MBD2: variants seen among roughly 807,000 people sequenced by gnomAD.
MBD2 encodes methyl-CpG binding domain protein 2, also known as methyl-CpG-binding domain protein 2.
A neutral mutation model predicts 39.3 loss-of-function variants in MBD2; 9 were observed. The observed-to-expected ratio is 0.23, with a 90% CI of 0.14 to 0.40. The LOEUF (loss-of-function observed/expected upper bound fraction) is 0.40, where lower values mean the gene tolerates loss of function less well. MBD2 is among the 10% of genes least tolerant of loss of function. The pLI, the probability that MBD2 is intolerant of heterozygous loss-of-function variation, is 1.00. For synonymous variants in MBD2, 233 were observed against 211.1 expected (o/e 1.10, Z -0.90); for missense variants, 458 against 532.6 (o/e 0.86, Z 1.38).
intron 1 of MBD2, among the ~76,000 whole-genome samples, chr18:54,217,281 T>G (rs1349079315): frequency 6.6e-6 from 1 of 152,192 alleles, no homozygotes; most frequent in Non-Finnish European, 1.5e-5. Context: ...TGTATTATAC[T>G]GAGAACAAAG....
rs147119140 is a variant in MBD2 at position 54,194,557 on chromosome 18, GTATA to G, written c.703-5550_703-5547del. Among the ~76,000 whole-genome samples the G allele has an allele frequency of 4.7e-3, 698 of 148,774 alleles. 10 individuals are homozygous for G. The highest frequency in any genetic ancestry group is 0.016 in the African/African-American group (654 of 40,580). ...ACATATATAGAAGTTGTGTGTGTGT[GTATA>G]TATATATATATGTAGCTTAATGAAA... On this transcript the variant is annotated intron_variant, in intron 2 of 6. Coordinates refer to ENST00000256429, the MANE Select transcript of MBD2 (RefSeq NM_003927.5).
chr18:54,214,191 T>C (rs953065743), intron 1 of MBD2, among the ~76,000 whole-genome samples: 1 of 151,394 alleles, frequency 6.6e-6, no homozygotes, highest in Non-Finnish European at 1.5e-5. Context: ...TTTCTTTCTT[T>C]CTTTGTTTTG....
chr18:54,184,465 C>T (rs1233331302), intron 3 of MBD2, among the ~76,000 whole-genome samples: 1 of 152,174 alleles, frequency 6.6e-6, no homozygotes, highest in Non-Finnish European at 1.5e-5. Flanking sequence ...TGCCACCAAA[C>T]CAGTCCCTGA....
At chr18:54,223,754 G>C (rs2086634395) in intron 1 of MBD2, among the ~76,000 whole-genome samples, 1 of 152,058 alleles carries the variant, frequency 6.6e-6, no homozygotes. Flanking sequence ...AACCATCCCT[G>C]CCAGGCTAAC....
In MBD2 at chr18:54,204,997, C is replaced by A. The variant is rs1339955328; in HGVS notation, c.702+1G>T. The A allele has an allele frequency of 1.2e-6, 2 of 1,612,694 alleles. No individual in the cohort carries two copies. Among genetic ancestry groups the A allele is most frequent in the East Asian group, 2.2e-5 (1 of 44,848 alleles). ...TACATGCGATAAGTAAATTAACCAA[C>A]CTTATTTTGATTGAGAGGATCGTTT... On this transcript the variant is annotated splice_donor_variant, in intron 2 of 6. Coordinates refer to ENST00000256429, the MANE Select transcript of MBD2 (RefSeq NM_003927.5). LOFTEE classifies it high-confidence loss of function.
chr18:54,188,748 C>G, intron 3 of MBD2, 126 bp downstream of exon 3: 2 of 1,006,222 alleles, frequency 2.0e-6, no homozygotes, highest in South Asian at 3.9e-5. Flanking sequence ...ATGTAATAGC[C>G]TAGGACATAA....
intron 5 of MBD2, among the ~76,000 whole-genome samples, chr18:54,163,079 C>T (rs2086108092): frequency 6.6e-6 from 1 of 152,082 alleles, no homozygotes; most frequent in Non-Finnish European, 1.5e-5. Flanking sequence ...CAAGACCAGC[C>T]TGGCCAATAT....
chr18:54,220,146 C>T (rs149959052), intron 1 of MBD2, among the ~76,000 whole-genome samples: 1,549 of 152,164 alleles, frequency 0.01, 26 homozygotes, highest in African/African-American at 0.035. Context: ...TACTAAAAGA[C>T]TATGTGAGGA....
At chr18:54,214,778 C>T (rs973217853) in intron 1 of MBD2, among the ~76,000 whole-genome samples, 4 of 148,348 alleles carry the variant, frequency 2.7e-5, no homozygotes, top group Middle Eastern at 3.6e-3. Flanking sequence ...CTCGCTCTGT[C>T]GCCGAGGCTG....
In MBD2 at chr18:54,152,589, CA is replaced by C. The variant is rs1358622292; in HGVS notation, c.*2734del. ...AAAAAGCCAACAAATAAATAAAATACAGACTTAGAAAATGTCTACAAAAGAA... is the reference window on the plus strand; with the variant it reads ...AAAAAGCCAACAAATAAATAAAATACGACTTAGAAAATGTCTACAAAAGAA... On this transcript the variant is annotated 3_prime_UTR_variant, in exon 7 of 7. Coordinates refer to ENST00000256429, the MANE Select transcript of MBD2 (RefSeq NM_003927.5). 1.3e-5 allele frequency: 2 copies of C among 152,202 alleles called. No individual in the cohort carries two copies. Among genetic ancestry groups the C allele is most frequent in the Non-Finnish European group, 2.9e-5 (2 of 68,048 alleles). 9.4% of individuals were successfully genotyped at this position (152,202 alleles called of 1,614,324 possible). A position where few individuals can be genotyped will look rare whatever the true frequency, so the allele number is the denominator to read the frequency against.
intron 2 of MBD2, among the ~76,000 whole-genome samples, chr18:54,203,903 C>A (rs2086428754): frequency 6.6e-6 from 1 of 152,140 alleles, no homozygotes; most frequent in Non-Finnish European, 1.5e-5. Context: ...ATATAAATTC[C>A]CATTTACTCC....
At chr18:54,181,001 A>G in intron 3 of MBD2, among the ~76,000 whole-genome samples, 1 of 148,164 alleles carries the variant, frequency 6.7e-6, no homozygotes, top group Non-Finnish European at 1.5e-5. Flanking sequence ...GGTTCAAGCA[A>G]TTCTCATGCG....
chr18:54,206,091 T>C lies in MBD2; in HGVS notation c.543-934A>G, dbSNP rs1326519850. Among the ~76,000 whole-genome samples the C allele has an allele frequency of 2.0e-5, 3 of 152,116 alleles. No homozygotes were observed. The East Asian group carries it at 5.8e-4, about 29-fold the overall frequency. On this transcript the variant is annotated intron_variant, in intron 1 of 6. Transcript: ENST00000256429. ...ATATTTAAATGCTCTCTAATACTAC[T>C]GAAATGAGAAAACTAGAGCAAATAT... is the stretch of plus-strand genomic sequence containing the variant.
chr18:54,195,132 C>G (rs2086355214), intron 2 of MBD2, among the ~76,000 whole-genome samples: 1 of 151,858 alleles, frequency 6.6e-6, no homozygotes, highest in Non-Finnish European at 1.5e-5. Flanking sequence ...GAAATGGATT[C>G]CTTTAAAACC....
At chr18:54,202,943 C>G (rs1313961576) in intron 2 of MBD2, 1 of 996,068 alleles carries the variant, frequency 1.0e-6, no homozygotes, top group East Asian at 2.4e-5. Context: ...GGGCAGGCTT[C>G]CCAGAGATGG....
chr18:54,216,112 A>G (rs1484741761), intron 1 of MBD2, among the ~76,000 whole-genome samples: 1 of 152,196 alleles, frequency 6.6e-6, no homozygotes. Flanking sequence ...CAGCCCTTGA[A>G]GATAGATTTT....
intron 3 of MBD2, among the ~76,000 whole-genome samples, chr18:54,169,628 A>C (rs2086165091): frequency 6.6e-6 from 1 of 152,226 alleles, no homozygotes. Flanking sequence ...CTCCCCCTCT[A>C]TGATGGCTAC....
intron 3 of MBD2, among the ~76,000 whole-genome samples, chr18:54,173,473 AAAG>A (rs1223806430): frequency 1.3e-5 from 2 of 152,196 alleles, no homozygotes; most frequent in African/African-American, 4.8e-5. Flanking sequence ...GCAGCAGTAG[AAAG>A]AAGGAGAGAA....
At chr18:54,182,700 C>T (rs780400717) in intron 3 of MBD2, among the ~76,000 whole-genome samples, 13 of 152,188 alleles carry the variant, frequency 8.5e-5, no homozygotes, top group Non-Finnish European at 1.3e-4. Flanking sequence ...AGTAAGGGAA[C>T]AAGACAGGAA....
Sources: allele counts gnomAD v4.1 joint callset (sites outside exome capture counted in the v4.1 genomes callset), GRCh38; gene constraint gnomAD v4.1.1; transcripts MANE v1.5; gene names NCBI Gene and HGNC (gene_info 2026-07-23, HGNC 2026-07-21).